Variants in HERC6 observed in about 807,000 individuals in gnomAD.
HERC6 encodes probable E3 ubiquitin-protein ligase HERC6.
Under a neutral mutation model 114.5 loss-of-function variants are expected in HERC6, and 101 were observed. The observed-to-expected ratio is 0.88, with a 90% CI of 0.75 to 1.04. HERC6 has a LOEUF of 1.04. Ranked by LOEUF, HERC6 falls within the 50% of genes least tolerant of loss-of-function variation. The pLI is 0.00. For missense variants in HERC6, 1,133 were observed against 1,230.9 expected, an observed-to-expected ratio of 0.92 and a Z score of 1.19; for synonymous variants, 408 against 436.2, an observed-to-expected ratio of 0.94 and a Z score of 0.81.
intron 13 of HERC6, among the ~76,000 whole-genome samples, chr4:88,418,077 A>G (rs779951675): frequency 3.4e-4 from 51 of 152,218 alleles, no homozygotes; most frequent in Non-Finnish European, 7.2e-4. Context: ...GTCATCTTTT[A>G]TAAGAATTTT....
rs1734403242 is a variant in HERC6, at chr4:88,383,157, A to C, written c.200-64A>C. 4 of 1,559,550 alleles carry C rather than the reference A, an allele frequency of 2.6e-6. No homozygotes were observed. The African/African-American group carries it at 4.1e-5, about 16-fold the overall frequency. The stretch of plus-strand genomic sequence containing the variant: ...TCTTTTTGAAGAAAAGTGCTGTCTT[A>C]AACTTGTGTTAAATTAATAATCTGC... On this transcript the variant is annotated intron_variant, in intron 1 of 22. Coordinates refer to ENST00000264346, the MANE Select transcript of HERC6 (RefSeq NM_017912.4).
At chr4:88,403,029 G>A (rs1474612501) in intron 8 of HERC6, among the ~76,000 whole-genome samples, 2 of 152,228 alleles carry the variant, frequency 1.3e-5, no homozygotes, top group African/African-American at 4.8e-5. Flanking sequence ...CAAGTGCAGT[G>A]GAGGCATAGG....
Position 88,396,848 on chromosome 4 carries a change from T to C in HERC6, c.888-3T>C. 1 of 1,567,776 alleles carries C rather than the reference T, an allele frequency of 6.4e-7. No individual in the cohort carries two copies. Among genetic ancestry groups the C allele is most frequent in the Non-Finnish European group, 8.7e-7 (1 of 1,154,038 alleles). On this transcript the variant is annotated splice_region_variant and splice_polypyrimidine_tract_variant and intron_variant, in intron 6 of 22. Coordinates refer to ENST00000264346, the MANE Select transcript of HERC6 (RefSeq NM_017912.4). ...TCATTATGGTGTATTCTCTTTCCTG[T>C]AGTTATCACACCCTGGCATATGTGC...
Position 88,379,075 on chromosome 4 carries a change from A to T in HERC6, c.154A>T (p.Arg52Trp), listed in dbSNP as rs745338016. ...HRVLSCGDNS[R>W]GQLGRRGAQR... ...GGTCCTCTCGTGCGGAGACAACAGC[A>T]GGGGTCAGCTGGGCCGCAGGGGCGC... is the stretch of plus-strand genomic sequence containing the variant. The change falls in exon 1 of 23, where the codon AGG (arginine) becomes TGG (tryptophan). Residue 52 changes from arginine to tryptophan, a missense_variant. By Grantham distance (101) the Arg-to-Trp change is moderately radical. Transcript: ENST00000264346. 2 of 1,551,140 alleles carry T rather than the reference A, an allele frequency of 1.3e-6. No homozygotes were observed. Among genetic ancestry groups the T allele is most frequent in the Non-Finnish European group, 1.7e-6 (2 of 1,149,118 alleles).
chr4:88,384,532 T>C (rs1734479645), intron 2 of HERC6, among the ~76,000 whole-genome samples: 3 of 152,146 alleles, frequency 2.0e-5, no homozygotes, highest in South Asian at 4.1e-4. Flanking sequence ...ACTTAGGGGA[T>C]TTTCAAACGC....
intron 3 of HERC6, 44 bp from the exon 4 acceptor site, chr4:88,390,608 A>G (rs773326256): frequency 1.4e-6 from 2 of 1,469,526 alleles, no homozygotes; most frequent in Non-Finnish European, 1.8e-6. Flanking sequence ...TGAATTTGGT[A>G]TTCTAATATG....
intron 11 of HERC6, among the ~76,000 whole-genome samples, chr4:88,411,610 G>GATCT (rs1199369712): frequency 6.6e-6 from 1 of 152,138 alleles, no homozygotes; most frequent in East Asian, 1.9e-4. Flanking sequence ...ACAGAACATA[G>GATCT]ATCTATCAGG....
chr4:88,442,285 A>C lies in HERC6; in HGVS notation c.2894A>C (p.Glu965Ala). The change falls in exon 23 of 23, where the codon GAA (glutamate) becomes GCA (alanine). Residue 965 changes from glutamate (E) to alanine (A), a missense_variant. Glu to Ala is a moderately radical substitution (Grantham distance 107, BLOSUM62 -1). Transcript: ENST00000264346. ...RLHARGIQKM[E>A]IVFRCPETFS... is the part of the protein sequence containing the mutation. ...CATGCAAGAGGCATACAGAAAATGG[A>C]AATAGTATTTCGCTGTCCTGAAACT... 1 of 1,613,696 alleles carries C rather than the reference A, an allele frequency of 6.2e-7. No individual in the cohort carries two copies. The highest frequency in any genetic ancestry group is 8.5e-7 in the Non-Finnish European group (1 of 1,179,776).
chr4:88,396,684 C>T (rs977960214), intron 6 of HERC6, among the ~76,000 whole-genome samples, 167 bp from the exon 7 acceptor site: 3 of 152,200 alleles, frequency 2.0e-5, no homozygotes, highest in Non-Finnish European at 2.9e-5. Flanking sequence ...GTCTGTTTAG[C>T]CACATCCTTT....
At chr4:88,427,343 T>C (rs1227178512) in intron 15 of HERC6, among the ~76,000 whole-genome samples, 1 of 152,178 alleles carries the variant, frequency 6.6e-6, no homozygotes, top group Non-Finnish European at 1.5e-5. Context: ...CAGACACCTC[T>C]CCCTGCTGTA....
chr4:88,412,940 A>G (rs1736201353), intron 11 of HERC6, 137 bp from the exon 12 acceptor site: 1 of 648,106 alleles, frequency 1.5e-6, no homozygotes, highest in Non-Finnish European at 2.7e-6. Context: ...AGTCTCATCA[A>G]TAGGTTTCAG....
At chr4:88,386,813 G>A (rs1734612370) in intron 3 of HERC6, among the ~76,000 whole-genome samples, 1 of 152,172 alleles carries the variant, frequency 6.6e-6, no homozygotes, top group Admixed American at 6.5e-5. Flanking sequence ...GGAAACTTAT[G>A]CCTTGCTTTT....
intron 16 of HERC6, among the ~76,000 whole-genome samples, chr4:88,430,069 C>T (rs1315480756): frequency 6.6e-6 from 1 of 151,928 alleles, no homozygotes; most frequent in Non-Finnish European, 1.5e-5. Flanking sequence ...TGGGGCAGGC[C>T]CTTAAACATG....
At chr4:88,417,286 C>T in intron 12 of HERC6, 139 bp from the exon 13 acceptor site, 1 of 860,618 alleles carries the variant, frequency 1.2e-6, no homozygotes, top group Non-Finnish European at 1.8e-6. Context: ...GCAGGATATA[C>T]TTAAAAAAGA....
rs1199888514 is a variant in HERC6, at chr4:88,417,529, G to T, written c.1663G>T (p.Asp555Tyr). ...QLLHQTKTEQDHCNVKALLGM... is the reference protein window; with the variant it reads ...QLLHQTKTEQYHCNVKALLGM... ...GCTTCATCAGACTAAAACCGAACAG[G>T]ATCACTGTAATGTTAAAGCTCTTTT... The change falls in exon 13 of 23, where the codon GAT becomes TAT. Residue 555 changes from aspartate to tyrosine, a missense_variant. Transcript: ENST00000264346. The T allele has an allele frequency of 1.2e-6, 2 of 1,612,816 alleles. No individual in the cohort carries two copies. The highest frequency in any genetic ancestry group is 1.3e-5 in the African/African-American group (1 of 74,890).
chr4:88,381,660 C>T (rs72879335), intron 1 of HERC6, among the ~76,000 whole-genome samples: 7,584 of 149,502 alleles, frequency 0.051, 657 homozygotes, highest in African/African-American at 0.18. Context: ...CCAGTTCAAA[C>T]GGTTCTTCTG....
At chr4:88,392,415 C>T (rs1356895182) in intron 4 of HERC6, among the ~76,000 whole-genome samples, 2 of 151,802 alleles carry the variant, frequency 1.3e-5, no homozygotes, top group African/African-American at 4.8e-5. Flanking sequence ...GTTTTGAACT[C>T]CTGCGCTCAA....
intron 11 of HERC6, among the ~76,000 whole-genome samples, chr4:88,412,084 C>T (rs186022538): frequency 1.3e-5 from 2 of 152,130 alleles, no homozygotes; most frequent in East Asian, 3.9e-4. Context: ...ACTTTCTAAT[C>T]GAGTAACGCT....
In HERC6 at chr4:88,383,272, A is replaced by G; in HGVS notation, c.251A>G (p.Lys84Arg). 6.2e-7 allele frequency: 1 copy of G among 1,606,672 alleles called. No homozygotes were observed. Among genetic ancestry groups the G allele is most frequent in the Non-Finnish European group, 8.5e-7 (1 of 1,176,716 alleles). Residue 84 changes from lysine to arginine, a missense_variant, in exon 2 of 23, where the codon AAG (lysine) becomes AGG (arginine). Lys to Arg is a conservative substitution (Grantham distance 26, BLOSUM62 2). This residue lies in a region of HERC6 where 735 missense variants were observed against 754.0 expected (regional missense o/e 0.97). Coordinates refer to ENST00000264346, the MANE Select transcript of HERC6 (RefSeq NM_017912.4). ...TLIVDLVSCG[K>R]EHSLAVCHKG... ...ATTGTTGATCTCGTGAGCTGCGGGA[A>G]GGAGCACTCCCTGGCTGTGTGCCAC...
Sources: gnomAD v4.1 joint callset for allele counts (sites outside exome capture counted in the v4.1 genomes callset) on GRCh38, gnomAD v4.1.1 for gene constraint, gnomAD v4.1.1 regional missense constraint, MANE v1.5 for transcripts, NCBI Gene and HGNC (gene_info 2026-07-23, HGNC 2026-07-21) for gene names.